LIN54: variants seen among roughly 807,000 people sequenced by gnomAD.
The protein encoded by LIN54 is lin-54 DREAM MuvB core complex component, also known as protein lin-54 homolog.
Under a neutral mutation model 78.7 loss-of-function variants are expected in LIN54, and 9 were observed. That is an observed-to-expected ratio of 0.11 (90% confidence interval 0.07 to 0.20). The LOEUF is 0.20. Ranked by LOEUF, LIN54 falls within the 10% of genes least tolerant of loss-of-function variation. LIN54 has a pLI of 1.00. For synonymous variants in LIN54, 269 were observed against 318.4 expected (o/e 0.84, Z 1.65); for missense variants, 573 against 889.9 (o/e 0.64, Z 4.53).
At chr4:83,005,889 C>T (rs1729315982) in intron 1 of LIN54, among the ~76,000 whole-genome samples, 1 of 151,974 alleles carries the variant, frequency 6.6e-6, no homozygotes, top group Non-Finnish European at 1.5e-5. Context: ...GCTGGGTGCC[C>T]ATCAGTGGTG....
chr4:82,991,762 CT>C (rs1179764068), intron 1 of LIN54, among the ~76,000 whole-genome samples: 2 of 151,928 alleles, frequency 1.3e-5, no homozygotes, highest in Non-Finnish European at 2.9e-5. Context: ...TATGGCTTTT[CT>C]TTTTTTAATC....
intron 3 of LIN54, among the ~76,000 whole-genome samples, chr4:82,973,367 C>T (rs542984542): frequency 6.6e-6 from 1 of 152,262 alleles, no homozygotes; most frequent in African/African-American, 2.4e-5. Flanking sequence ...TCAAGTTATT[C>T]TTTTTGAGGG....
chr4:82,993,032 A>C (rs80111906), intron 1 of LIN54, among the ~76,000 whole-genome samples: 1 of 150,168 alleles, frequency 6.7e-6, no homozygotes, highest in Admixed American at 6.7e-5. Flanking sequence ...TGTCTCAGAA[A>C]AAAAAAAAAA....
At chr4:82,933,773 C>T (rs142189669) in intron 11 of LIN54, among the ~76,000 whole-genome samples, 2 of 152,282 alleles carry the variant, frequency 1.3e-5, no homozygotes, top group East Asian at 3.9e-4. Flanking sequence ...CACTTTTAAA[C>T]CAGTCCAGTA....
At chr4:82,977,131 C>T (rs1578591646) in intron 3 of LIN54, among the ~76,000 whole-genome samples, 1 of 152,228 alleles carries the variant, frequency 6.6e-6, no homozygotes, top group East Asian at 1.9e-4. Context: ...TACCATACAA[C>T]CCATACCTTC....
chr4:82,958,018 C>T (rs914843953), intron 4 of LIN54, among the ~76,000 whole-genome samples: 1 of 152,204 alleles, frequency 6.6e-6, no homozygotes, highest in East Asian at 1.9e-4. Context: ...CCTATCTCAT[C>T]ACTCATTGTT....
At chr4:82,992,882 G>T (rs1237608882) in intron 1 of LIN54, among the ~76,000 whole-genome samples, 1 of 151,566 alleles carries the variant, frequency 6.6e-6, no homozygotes, top group Non-Finnish European at 1.5e-5. Flanking sequence ...CAAAAAATTA[G>T]CCGGGCATGG....
At chr4:82,937,935 A>G (rs966477534) in intron 8 of LIN54, among the ~76,000 whole-genome samples, 1 of 152,196 alleles carries the variant, frequency 6.6e-6, no homozygotes, top group African/African-American at 2.4e-5. Flanking sequence ...GGTGGAGATT[A>G]GCCTGGGCAA....
At chr4:82,933,950 TGAAAA>T (rs1722178125) in intron 11 of LIN54, among the ~76,000 whole-genome samples, 1 of 152,232 alleles carries the variant, frequency 6.6e-6, no homozygotes, top group Non-Finnish European at 1.5e-5. Flanking sequence ...TTCCATGTTC[TGAAAA>T]GAAGTGTTAA....
chr4:83,001,633 CAGG>C (rs1164046363), intron 1 of LIN54, among the ~76,000 whole-genome samples: 1 of 150,696 alleles, frequency 6.6e-6, no homozygotes, highest in Non-Finnish European at 1.5e-5. Context: ...ATCACGAGGT[CAGG>C]AGATCAAGAG....
At chr4:82,968,068 G>A (rs954113984) in intron 4 of LIN54, among the ~76,000 whole-genome samples, 2 of 151,004 alleles carry the variant, frequency 1.3e-5, no homozygotes, top group Non-Finnish European at 3.0e-5. Flanking sequence ...GGAGACAAGA[G>A]TTTCGCTTTT....
At chr4:83,006,535 C>G (rs988345057) in intron 1 of LIN54, among the ~76,000 whole-genome samples, 12 of 151,618 alleles carry the variant, frequency 7.9e-5, no homozygotes, top group Non-Finnish European at 1.6e-4. Context: ...TACTCCAAAC[C>G]TCAGCATCAT....
chr4:82,999,795 A>AAAAGT (rs1728588620), intron 1 of LIN54, among the ~76,000 whole-genome samples: 2 of 149,516 alleles, frequency 1.3e-5, no homozygotes, highest in Non-Finnish European at 3.0e-5. Context: ...AAAAAAAAAA[A>AAAAGT]GGCAAGAAAA....
intron 4 of LIN54, among the ~76,000 whole-genome samples, chr4:82,953,777 C>T (rs2126053140): frequency 6.6e-6 from 1 of 152,120 alleles, no homozygotes; most frequent in Non-Finnish European, 1.5e-5. Context: ...TGGCAAAACC[C>T]CATCTCTACA....
intron 2 of LIN54, 36 bp downstream of exon 2, chr4:82,984,125 T>A: frequency 7.0e-7 from 1 of 1,434,626 alleles, no homozygotes; most frequent in Non-Finnish European, 9.5e-7. Context: ...TTTTTAAACA[T>A]GCATTTTAAT....
intron 11 of LIN54, among the ~76,000 whole-genome samples, chr4:82,935,371 C>T (rs991602029): frequency 2.0e-5 from 3 of 151,600 alleles, no homozygotes; most frequent in African/African-American, 4.8e-5. Context: ...TCACTGCAAT[C>T]TCCACCTCCT....
At chr4:82,971,319 G>C (rs113007177) in intron 3 of LIN54, among the ~76,000 whole-genome samples, 3,017 of 152,012 alleles carry the variant, frequency 0.02, 100 homozygotes, top group African/African-American at 0.068. Context: ...ACTACTCCTG[G>C]CAGACGAGTT....
chr4:82,946,959 G>A (rs1230472838), intron 4 of LIN54, among the ~76,000 whole-genome samples: 4 of 151,636 alleles, frequency 2.6e-5, no homozygotes, highest in Non-Finnish European at 5.9e-5. Context: ...TCACCATATT[G>A]GTCAGACTGG....
intron 1 of LIN54, among the ~76,000 whole-genome samples, chr4:83,000,777 CATT>C (rs1728687383): frequency 6.7e-6 from 1 of 148,832 alleles, no homozygotes; most frequent in Non-Finnish European, 1.5e-5. Flanking sequence ...AAGATGCCAT[CATT>C]GTTATAGACA....
Sources: gnomAD v4.1 joint callset for allele counts (sites outside exome capture counted in the v4.1 genomes callset) on GRCh38, gnomAD v4.1.1 for gene constraint, MANE v1.5 for transcripts, NCBI Gene and HGNC (gene_info 2026-07-23, HGNC 2026-07-21) for gene names.